LRRC14: variants seen among roughly 807,000 people sequenced by gnomAD.
The protein encoded by LRRC14 is leucine-rich repeat-containing protein 14.
LRRC14 carries 16 observed loss-of-function variants against 25.3 expected under a neutral mutation model. The observed-to-expected ratio is 0.63, with a 90% CI of 0.43 to 0.96. The LOEUF (loss-of-function observed/expected upper bound fraction) is 0.96, where lower values mean the gene tolerates loss of function less well. Ranked by LOEUF, LRRC14 falls within the 40% of genes least tolerant of loss-of-function variation. LRRC14 has a pLI of 0.00. For synonymous variants in LRRC14, 359 were observed against 295.1 expected, an observed-to-expected ratio of 1.22 and a Z score of -2.22; for missense variants, 594 against 660.5, an observed-to-expected ratio of 0.90 and a Z score of 1.10.
rs1486763566 is a variant in LRRC14 at position 144,523,653 on chromosome 8, C to G, written c.*2175C>G. 2 of 504,776 alleles carry G rather than the reference C, an allele frequency of 4.0e-6. No homozygotes were observed. The highest frequency in any genetic ancestry group is 3.9e-5 in the Admixed American group (1 of 25,644). The allele number at this position is 504,776 out of a possible 1,614,324, so 31.3% of individuals were successfully genotyped here. A position where few individuals can be genotyped will look rare whatever the true frequency, so the allele number is the denominator to read the frequency against. On this transcript the variant is annotated 3_prime_UTR_variant, in exon 4 of 4. Coordinates refer to ENST00000292524, the MANE Select transcript of LRRC14 (RefSeq NM_014665.4). Reference sequence around the variant, plus strand: ...TGTTACAGATCACTTCTCCGTCGGTCTCTGAGAAAGCACCTGCTCCTTAAG... The same window carrying G: ...TGTTACAGATCACTTCTCCGTCGGTGTCTGAGAAAGCACCTGCTCCTTAAG...
In LRRC14 at chr8:144,520,896, C is replaced by T. The variant is rs1398886390; in HGVS notation, c.915-15C>T. The stretch of plus-strand genomic sequence containing the variant: ...CCCTGGCTCTGCCTGTCTGTGACCC[C>T]TGTGTCCCCTGTAGCACCCTGCAGA... On this transcript the variant is annotated splice_polypyrimidine_tract_variant and intron_variant, in intron 3 of 3. Transcript: ENST00000292524. The T allele has an allele frequency of 8.1e-6, 13 of 1,602,306 alleles. No homozygotes were observed. The highest frequency in any genetic ancestry group is 9.4e-6 in the Non-Finnish European group (11 of 1,176,380).
chr8:144,522,993 T>TG lies in LRRC14; in HGVS notation c.*1515_*1516insG, dbSNP rs1816185434. 1 of 1,595,696 alleles carries TG rather than the reference T, an allele frequency of 6.3e-7. No individual in the cohort carries two copies. The highest frequency in any genetic ancestry group is 1.3e-5 in the African/African-American group (1 of 74,540). On this transcript the variant is annotated 3_prime_UTR_variant, in exon 4 of 4. Coordinates refer to ENST00000292524, the MANE Select transcript of LRRC14 (RefSeq NM_014665.4). ...GCGTTGGAGGCCTCGCACTCGTACT[T>TG]ACCGGCGTGCGCCAGCGTGATGTTG... is the stretch of plus-strand genomic sequence containing the variant.
Position 144,523,363 on chromosome 8 carries a change from C to A in LRRC14, c.*1885C>A. On this transcript the variant is annotated 3_prime_UTR_variant, in exon 4 of 4. Transcript: ENST00000292524. ...GCAGCCGCTGGCCGCCCTCCTTGAT[C>A]CAGGCACCCAGCCAGTGCAGGGCGC... 6.3e-7 allele frequency: 1 copy of A among 1,576,870 alleles called. No individual in the cohort carries two copies. The highest frequency in any genetic ancestry group is 8.6e-7 in the Non-Finnish European group (1 of 1,158,510).
rs114536271 is a variant in LRRC14, at chr8:144,520,007, C to T, written c.282C>T (p.Ala94=). The T allele has an allele frequency of 8.3e-4, 1,338 of 1,611,224 alleles. 6 individuals are homozygous for T. The African/African-American group carries it at 0.014, about 17-fold the overall frequency. ...SMQAVILGLT[A]RLHTSEPGAS... is the part of the protein sequence containing the mutation. ...AGGCTGTTATCCTGGGGCTGACTGC[C>T]CGGCTCCACACCTCAGAGCCTGGGG... Residue 94 remains alanine (A), a synonymous_variant, in exon 2 of 4, where the codon GCC becomes GCT. Transcript: ENST00000292524.
Position 144,520,223 on chromosome 8 carries a change from C to T in LRRC14, c.330-15C>T. On this transcript the variant is annotated splice_polypyrimidine_tract_variant and intron_variant, in intron 2 of 3. Transcript: ENST00000292524. Reference sequence around the variant, plus strand: ...CTGCCCCTCCACCCCTTCCTCACACCATTCCTACTCCCAGGAAGCATGCGC... The same window carrying T: ...CTGCCCCTCCACCCCTTCCTCACACTATTCCTACTCCCAGGAAGCATGCGC... 1 of 1,602,638 alleles carries T rather than the reference C, an allele frequency of 6.2e-7. No homozygotes were observed. The highest frequency in any genetic ancestry group is 1.3e-5 in the African/African-American group (1 of 75,058).
At position 144,524,690 on chromosome 8, in the gene LRRC14, G is replaced by T. The variant is rs2130797065; in HGVS notation, c.*3212G>T. On this transcript the variant is annotated 3_prime_UTR_variant, in exon 4 of 4. Coordinates refer to ENST00000292524, the MANE Select transcript of LRRC14 (RefSeq NM_014665.4). ...GCGCCAGGGCTCCCGGCTCTAGGCG[G>T]GCGATGTTGTTGTCCTGCAGGAACA... The T allele has an allele frequency of 1.4e-6, 2 of 1,470,442 alleles. No individual in the cohort carries two copies. Among genetic ancestry groups the T allele is most frequent in the Admixed American group, 5.4e-5 (2 of 37,136 alleles). 91.1% of individuals were successfully genotyped at this position (1,470,442 alleles called of 1,614,324 possible). A position where few individuals can be genotyped will look rare whatever the true frequency, so the allele number is the denominator to read the frequency against.
chr8:144,519,620 A>G lies in LRRC14; in HGVS notation c.-106A>G. 1 of 996,076 alleles carries G rather than the reference A, an allele frequency of 1.0e-6. No individual in the cohort carries two copies. Among genetic ancestry groups the G allele is most frequent in the Non-Finnish European group, 1.5e-6 (1 of 670,608 alleles). 61.7% of individuals were successfully genotyped at this position (996,076 alleles called of 1,614,324 possible). On this transcript the variant is annotated 5_prime_UTR_variant, in exon 2 of 4. The change abolishes an upstream ATG in the 5' untranslated region. Coordinates refer to ENST00000292524, the MANE Select transcript of LRRC14 (RefSeq NM_014665.4). ...AACTGCTGACTTTGTTTCAGGCACT[A>G]TGCTGGGCCTTCCTACCACTTGTGT...
At position 144,520,612 on chromosome 8, in the gene LRRC14, G is replaced by A. The variant is rs745462286; in HGVS notation, c.704G>A (p.Arg235His). ...VDLRFNNLGL[R>H]GLSVIIPHVA... ...CTGCGCTTCAACAATCTGGGCCTGC[G>A]CGGCCTGTCTGTGATCATCCCACAC... is the stretch of plus-strand genomic sequence containing the variant. Residue 235 changes from arginine (R) to histidine (H), a missense_variant, in exon 3 of 4, where the codon CGC becomes CAC. Arg to His is a conservative substitution (Grantham distance 29). Coordinates refer to ENST00000292524, the MANE Select transcript of LRRC14 (RefSeq NM_014665.4). The A allele has an allele frequency of 3.7e-6, 6 of 1,601,614 alleles. No individual in the cohort carries two copies. Among genetic ancestry groups the A allele is most frequent in the Non-Finnish European group, 5.1e-6 (6 of 1,179,948 alleles).
intron 1 of LRRC14, chr8:144,518,756 G>A (rs1815678100): frequency 6.6e-6 from 1 of 152,294 alleles, no homozygotes. Flanking sequence ...CAGGGAGATG[G>A]CTGCGATTTA....
At position 144,521,315 on chromosome 8, in the gene LRRC14, G is replaced by A. The variant is rs914236974; in HGVS notation, c.1319G>A (p.Trp440Ter). 3 of 1,612,830 alleles carry A rather than the reference G, an allele frequency of 1.9e-6. No homozygotes were observed. Among genetic ancestry groups the A allele is most frequent in the Non-Finnish European group, 2.5e-6 (3 of 1,180,018 alleles). The change falls in exon 4 of 4, where the codon TGG becomes TAG. Residue 440 changes from tryptophan (W) to a stop codon, truncating the protein, a stop_gained. Coordinates refer to ENST00000292524, the MANE Select transcript of LRRC14 (RefSeq NM_014665.4). LOFTEE classifies it high-confidence loss of function. ...FPVDCYEGLP[W>*]PPPASVLLEA... ...GTGGACTGCTATGAGGGCTTGCCCT[G>A]GCCGCCGCCTGCCTCTGTCCTGCTG... is the stretch of plus-strand genomic sequence containing the variant.
At position 144,524,579 on chromosome 8, in the gene LRRC14, C is replaced by T. The variant is rs1816281545; in HGVS notation, c.*3101C>T. ...GGTTGCTAGTGAGCGCCAGCTCCAG[C>T]AGGCGCGGCTGCGCGCGGAAGGCGC... On this transcript the variant is annotated 3_prime_UTR_variant, in exon 4 of 4. Transcript: ENST00000292524. The T allele has an allele frequency of 6.5e-7, 1 of 1,547,354 alleles. No individual in the cohort carries two copies. Among genetic ancestry groups the T allele is most frequent in the Non-Finnish European group, 8.6e-7 (1 of 1,156,210 alleles).
Position 144,519,844 on chromosome 8 carries a change from T to C in LRRC14, c.119T>C (p.Met40Thr). ...LFPLLFKVAF[M>T]DKKTVVLREL... is the part of the protein sequence containing the mutation. ...CCCCTGCTGTTCAAGGTGGCCTTCA[T>C]GGACAAGAAGACAGTGGTACTGCGC... Residue 40 changes from methionine (M) to threonine (T), a missense_variant, in exon 2 of 4, where the codon ATG becomes ACG. By Grantham distance (81) the Met-to-Thr change is moderately conservative. Transcript: ENST00000292524. 1 of 1,613,574 alleles carries C rather than the reference T, an allele frequency of 6.2e-7. No individual in the cohort carries two copies. The highest frequency in any genetic ancestry group is 8.5e-7 in the Non-Finnish European group (1 of 1,180,036).
chr8:144,524,743 C>G lies in LRRC14; in HGVS notation c.*3265C>G. ...GTCTGCAGGCCGGGGAAAGAGGAGG[C>G]GCTTACCCCGTTGCGGGGGTCTTCC... On this transcript the variant is annotated 3_prime_UTR_variant, in exon 4 of 4. Coordinates refer to ENST00000292524, the MANE Select transcript of LRRC14 (RefSeq NM_014665.4). 6.9e-7 allele frequency: 1 copy of G among 1,439,844 alleles called. No individual in the cohort carries two copies. The highest frequency in any genetic ancestry group is 9.1e-7 in the Non-Finnish European group (1 of 1,102,694). The allele number at this position is 1,439,844 out of a possible 1,614,324, so 89.2% of individuals were successfully genotyped here.
At chr8:144,519,564 A>G in intron 1 of LRRC14, 51 bp from the exon 2 acceptor site, 1 of 647,130 alleles carries the variant, frequency 1.5e-6, no homozygotes, top group Non-Finnish European at 2.7e-6. Flanking sequence ...TAGGCATCTA[A>G]TAGGTGCTTC....
In LRRC14 at chr8:144,524,830, G is replaced by C; in HGVS notation, c.*3352G>C. 1 of 1,473,292 alleles carries C rather than the reference G, an allele frequency of 6.8e-7. No individual in the cohort carries two copies. The highest frequency in any genetic ancestry group is 9.0e-7 in the Non-Finnish European group (1 of 1,112,258). 91.3% of individuals were successfully genotyped at this position (1,473,292 alleles called of 1,614,324 possible). On this transcript the variant is annotated 3_prime_UTR_variant, in exon 4 of 4. Coordinates refer to ENST00000292524, the MANE Select transcript of LRRC14 (RefSeq NM_014665.4). ...ACGGTGCCCACCTGCGTCCCTGGCG[G>C]GATTCCCAGCGGGACGACGCGCAAC...
In LRRC14 at chr8:144,523,397, C is replaced by T. The variant is rs749436558; in HGVS notation, c.*1919C>T. 3 of 1,533,740 alleles carry T rather than the reference C, an allele frequency of 2.0e-6. No individual in the cohort carries two copies. The highest frequency in any genetic ancestry group is 2.3e-5 in the East Asian group (1 of 43,868). ...CAGCCAGTGCAGGGCGCAGTCACAG[C>T]GCCATGGGTTCTCTGTGGGAGAGCA... On this transcript the variant is annotated 3_prime_UTR_variant, in exon 4 of 4. Transcript: ENST00000292524.
In LRRC14 at chr8:144,524,119, G is replaced by T. The variant is rs1202461385; in HGVS notation, c.*2641G>T. The T allele has an allele frequency of 1.9e-6, 3 of 1,600,620 alleles. No homozygotes were observed. Among genetic ancestry groups the T allele is most frequent in the South Asian group, 2.2e-5 (2 of 90,854 alleles). ...TCCGAGGAAGAGGTACCTGTGAGGC[G>T]CAGGACTTGCAGACTGGCCAGGGGC... On this transcript the variant is annotated 3_prime_UTR_variant, in exon 4 of 4. Transcript: ENST00000292524.
At position 144,521,445 on chromosome 8, in the gene LRRC14, C is replaced by T. The variant is rs149329425; in HGVS notation, c.1449C>T (p.Tyr483=). The part of the protein sequence containing the change: ...RAHVLWTTDI[Y]GRLAADYFSL Reference sequence around the variant, plus strand: ...ATGTGCTCTGGACCACGGACATCTACGGGCGACTGGCTGCGGACTACTTCA... The same window carrying T: ...ATGTGCTCTGGACCACGGACATCTATGGGCGACTGGCTGCGGACTACTTCA... Residue 483 remains tyrosine, a synonymous_variant, in exon 4 of 4, where the codon TAC becomes TAT. Transcript: ENST00000292524. 358 of 1,605,992 alleles carry T rather than the reference C, an allele frequency of 2.2e-4. 1 individual carries two copies. The highest frequency in any genetic ancestry group is 2.6e-4 in the Non-Finnish European group (304 of 1,179,372).
In LRRC14 at chr8:144,521,571, G is replaced by C. The variant is rs1216572144; in HGVS notation, c.*93G>C. On this transcript the variant is annotated 3_prime_UTR_variant, in exon 4 of 4. Coordinates refer to ENST00000292524, the MANE Select transcript of LRRC14 (RefSeq NM_014665.4). ...ACCCCTGGTGGAGGCCTTCACAAAA[G>C]CACTGGTTACTGGTTTCCTGCTGGG... 2 of 1,287,524 alleles carry C rather than the reference G, an allele frequency of 1.6e-6. No homozygotes were observed. Among genetic ancestry groups the C allele is most frequent in the African/African-American group, 1.5e-5 (1 of 67,086 alleles). 79.8% of individuals were successfully genotyped at this position (1,287,524 alleles called of 1,614,324 possible). A position where few individuals can be genotyped will look rare whatever the true frequency, so the allele number is the denominator to read the frequency against.
Sources: allele counts gnomAD v4.1 joint callset, GRCh38; gene constraint gnomAD v4.1.1; transcripts MANE v1.5; gene names NCBI Gene and HGNC (gene_info 2026-07-23, HGNC 2026-07-21).